Variants in HSD17B4 observed in about 807,000 individuals in gnomAD.
HSD17B4 encodes hydroxysteroid 17-beta dehydrogenase 4, also known as peroxisomal multifunctional enzyme type 2.
Under a neutral mutation model 101.0 loss-of-function variants are expected in HSD17B4, and 70 were observed. That is an observed-to-expected ratio of 0.69 (90% CI 0.57 to 0.85). The LOEUF (loss-of-function observed/expected upper bound fraction) is 0.85, where lower values mean the gene tolerates loss of function less well. Among genes scored for constraint, HSD17B4 ranks in the 40% least tolerant of loss-of-function variants. The pLI, the probability that HSD17B4 is intolerant of heterozygous loss-of-function variation, is 0.00. For missense variants in HSD17B4, 984 were observed against 892.4 expected (o/e 1.10, Z -1.31); for synonymous variants, 347 against 297.1 (o/e 1.17, Z -1.73).
At chr5:119,464,694 G>C (rs140902228) in intron 2 of HSD17B4, 1 of 152,086 alleles carries the variant, frequency 6.6e-6, no homozygotes, top group Non-Finnish European at 1.5e-5. Context: ...CTGGGTTCAG[G>C]TGATTCTCCT....
In HSD17B4 at chr5:119,477,029, C is replaced by G. The variant is rs182925017; in HGVS notation, c.350-388C>G. 2.2e-4 allele frequency among the ~76,000 whole-genome samples: 34 copies of G among 152,118 alleles called. 1 individual carries two copies. The highest frequency in any genetic ancestry group is 2.2e-3 in the Admixed American group (34 of 15,280). On this transcript the variant is annotated intron_variant, in intron 6 of 23. Transcript: ENST00000510025. The stretch of plus-strand genomic sequence containing the variant: ...TCTAGTGAGTATTTTGTAAATATTT[C>G]TTAATGAGCTATGTGATTTATGATT...
chr5:119,479,252 T>G (rs573119445), intron 8 of HSD17B4, among the ~76,000 whole-genome samples: 66 of 152,216 alleles, frequency 4.3e-4, no homozygotes, highest in African/African-American at 1.6e-3. Flanking sequence ...TCTTTTTCTC[T>G]GCATATTCAT....
intron 22 of HSD17B4, 77 bp from the exon 23 acceptor site, chr5:119,536,346 C>T (rs1561494412): frequency 1.3e-5 from 16 of 1,260,046 alleles, no homozygotes; most frequent in Non-Finnish European, 1.7e-5. Flanking sequence ...GAAATGTCTG[C>T]ATTTTACTTG....
intron 12 of HSD17B4, among the ~76,000 whole-genome samples, chr5:119,497,970 G>A (rs967122496): frequency 1.3e-5 from 2 of 152,064 alleles, no homozygotes; most frequent in African/African-American, 2.4e-5. Context: ...TCTTTTAAGG[G>A]AAGCATCGAT....
At chr5:119,493,709 C>T (rs896533669) in intron 10 of HSD17B4, 109 bp from the exon 11 acceptor site, 2 of 1,007,670 alleles carry the variant, frequency 2.0e-6, no homozygotes, top group African/African-American at 1.6e-5. Flanking sequence ...AGTTAGAATC[C>T]CTTTTTTTCT....
chr5:119,494,325 T>TTTTCTTTTCTTTCTTTC (rs1554064681), intron 11 of HSD17B4, among the ~76,000 whole-genome samples: 9 of 111,524 alleles, frequency 8.1e-5, no homozygotes, highest in East Asian at 2.6e-4. Context: ...TCTTTCTTTC[T>TTTTCTTTTCTTTCTTTC]TTTCTTTCTT....
At position 119,529,935 on chromosome 5, in the gene HSD17B4, G is replaced by A. The variant is rs1279792063; in HGVS notation, c.1809G>A (p.Val603=). ...ACATTGTCATTTCAAATGCATATGT[G>A]GATCTTGCACCAACATCTGGTACTT... ...TGDIVISNAY[V]DLAPTSGTSA... Residue 603 remains valine (V), a synonymous_variant, in exon 21 of 24, where the codon GTG becomes GTA. Coordinates refer to ENST00000510025, the MANE Select transcript of HSD17B4 (RefSeq NM_000414.4). The A allele has an allele frequency of 3.7e-6, 6 of 1,610,626 alleles. No homozygotes were observed. Among genetic ancestry groups the A allele is most frequent in the Non-Finnish European group, 5.1e-6 (6 of 1,177,700 alleles).
chr5:119,540,760 C>G (rs971396396), intron 23 of HSD17B4, among the ~76,000 whole-genome samples: 22 of 152,142 alleles, frequency 1.4e-4, no homozygotes, highest in African/African-American at 5.3e-4. Flanking sequence ...AAGTGCTGCT[C>G]GTTAACAAGT....
intron 9 of HSD17B4, 116 bp from the exon 10 acceptor site, chr5:119,491,984 C>T (rs1216293028): frequency 8.5e-6 from 7 of 821,596 alleles, no homozygotes; most frequent in South Asian, 1.3e-5. Context: ...ATTTTCATCT[C>T]CTGTTGCCTT....
chr5:119,469,249 T>C (rs1756116435), intron 2 of HSD17B4, among the ~76,000 whole-genome samples: 1 of 152,014 alleles, frequency 6.6e-6, no homozygotes, highest in Non-Finnish European at 1.5e-5. Context: ...GGTTTGTTAC[T>C]GGAGAGTTGT....
At chr5:119,490,815 G>A (rs1008367942) in intron 9 of HSD17B4, among the ~76,000 whole-genome samples, 34 of 152,180 alleles carry the variant, frequency 2.2e-4, no homozygotes, top group African/African-American at 7.7e-4. Flanking sequence ...TAATCTGCCC[G>A]CCTTGGCCTC....
chr5:119,453,355 A>G (rs1754274428), intron 1 of HSD17B4, among the ~76,000 whole-genome samples: 2 of 152,256 alleles, frequency 1.3e-5, no homozygotes, highest in Non-Finnish European at 2.9e-5. Flanking sequence ...GGCCAGTGGG[A>G]AAGTTGCCTG....
chr5:119,493,878 A>G lies in HSD17B4; in HGVS notation c.800A>G (p.Glu267Gly). ...CAAAAGAATCACCCAATGACTCCTGAGGCAGTCAAGGCTAACTGGAAGAAG... is the reference window on the plus strand; with the variant it reads ...CAAAAGAATCACCCAATGACTCCTGGGGCAGTCAAGGCTAACTGGAAGAAG... ...VRQKNHPMTP[E>G]AVKANWKKIC... Residue 267 changes from glutamate to glycine, a missense_variant, in exon 11 of 24, where the codon GAG becomes GGG. Coordinates refer to ENST00000510025, the MANE Select transcript of HSD17B4 (RefSeq NM_000414.4). 6.2e-7 allele frequency: 1 copy of G among 1,612,672 alleles called. No individual in the cohort carries two copies. Among genetic ancestry groups the G allele is most frequent in the Non-Finnish European group, 8.5e-7 (1 of 1,178,856 alleles).
chr5:119,530,344 T>A (rs887746872), intron 21 of HSD17B4, among the ~76,000 whole-genome samples: 1 of 152,144 alleles, frequency 6.6e-6, no homozygotes, highest in Admixed American at 6.6e-5. Flanking sequence ...TATATAAAGT[T>A]TTGTATGCAA....
At position 119,478,908 on chromosome 5, in the gene HSD17B4, G is replaced by C; in HGVS notation, c.509G>C (p.Gly170Ala). 1.2e-6 allele frequency: 2 copies of C among 1,613,720 alleles called. No homozygotes were observed. Among genetic ancestry groups the C allele is most frequent in the Non-Finnish European group, 1.7e-6 (2 of 1,179,724 alleles). ...GCCAATTATAGTGCTGCAAAGTTGGGTCTTCTGGGCCTTGCAAATTCTCTT... is the reference window on the plus strand; with the variant it reads ...GCCAATTATAGTGCTGCAAAGTTGGCTCTTCTGGGCCTTGCAAATTCTCTT... ...GQANYSAAKL[G>A]LLGLANSLAI... Residue 170 changes from glycine (G) to alanine (A), a missense_variant, in exon 8 of 24, where the codon GGT becomes GCT. By Grantham distance (60) the Gly-to-Ala change is moderately conservative. Transcript: ENST00000510025.
chr5:119,516,364 A>G (rs1244097792), intron 17 of HSD17B4, among the ~76,000 whole-genome samples: 1 of 152,190 alleles, frequency 6.6e-6, no homozygotes, highest in Admixed American at 6.5e-5. Flanking sequence ...TACTGAAATA[A>G]AAAATATATC....
chr5:119,479,398 C>G (rs1312537213), intron 8 of HSD17B4, among the ~76,000 whole-genome samples: 1 of 152,060 alleles, frequency 6.6e-6, no homozygotes, highest in African/African-American at 2.4e-5. Flanking sequence ...ACTTTACCTC[C>G]CACAGTTTCC....
intron 6 of HSD17B4, chr5:119,476,759 C>T: frequency 2.2e-6 from 2 of 907,328 alleles, no homozygotes; most frequent in Non-Finnish European, 2.6e-6. Context: ...TACTAAGCCA[C>T]TACTCCTGAC....
Position 119,489,300 on chromosome 5 carries a change from G to C in HSD17B4, c.714+17G>C. 1 of 1,541,430 alleles carries C rather than the reference G, an allele frequency of 6.5e-7. No homozygotes were observed. Among genetic ancestry groups the C allele is most frequent in the Non-Finnish European group, 9.0e-7 (1 of 1,114,342 alleles). ...TTGTTTGAGGTATTTGCACCTTCCT[G>C]TTTTCTCTTATTAGTTTTCTCCAGT... On this transcript the variant is annotated intron_variant, in intron 9 of 23. Coordinates refer to ENST00000510025, the MANE Select transcript of HSD17B4 (RefSeq NM_000414.4).
Sources: gnomAD v4.1 joint callset for allele counts (sites outside exome capture counted in the v4.1 genomes callset) on GRCh38, gnomAD v4.1.1 for gene constraint, MANE v1.5 for transcripts, NCBI Gene and HGNC (gene_info 2026-07-23, HGNC 2026-07-21) for gene names.